Variants in NALF1 observed in about 807,000 individuals in gnomAD.
NALF1 encodes the protein family with sequence similarity 155 member A.
NALF1 carries 3 observed loss-of-function variants against 48.4 expected under a neutral mutation model. That is an observed-to-expected ratio of 0.06 (90% CI 0.03 to 0.16). The LOEUF (loss-of-function observed/expected upper bound fraction) is 0.16. Ranked by LOEUF, NALF1 falls within the 10% of genes least tolerant of loss-of-function variation. NALF1 has a pLI of 1.00. For missense variants in NALF1, 526 were observed against 571.5 expected, an observed-to-expected ratio of 0.92 and a Z score of 0.81; for synonymous variants, 262 against 245.7, an observed-to-expected ratio of 1.07 and a Z score of -0.62.
At chr13:107,277,513 G>A (rs940501347) in intron 1 of NALF1, among the ~76,000 whole-genome samples, 2 of 152,248 alleles carry the variant, frequency 1.3e-5, no homozygotes, top group Middle Eastern at 3.4e-3. Context: ...TACAGGCCAC[G>A]AAGAGCTATT....
chr13:107,412,243 C>T (rs1884005019), intron 1 of NALF1, among the ~76,000 whole-genome samples: 1 of 152,106 alleles, frequency 6.6e-6, no homozygotes, highest in African/African-American at 2.4e-5. Flanking sequence ...TTTACTTATA[C>T]CAAGCACCAG....
chr13:107,758,376 T>C (rs192628431), intron 1 of NALF1, among the ~76,000 whole-genome samples: 163 of 152,332 alleles, frequency 1.1e-3, no homozygotes, highest in African/African-American at 3.7e-3. Context: ...TTTTCATATA[T>C]TAATAAAACC....
At chr13:107,671,252 AG>A (rs1352356518) in intron 1 of NALF1, among the ~76,000 whole-genome samples, 1 of 152,216 alleles carries the variant, frequency 6.6e-6, no homozygotes, top group Non-Finnish European at 1.5e-5. Flanking sequence ...TATTGGCACC[AG>A]TAAATAAATG....
intron 1 of NALF1, among the ~76,000 whole-genome samples, chr13:107,366,619 C>T (rs539914125): frequency 4.6e-5 from 7 of 152,242 alleles, no homozygotes; most frequent in South Asian, 4.1e-4. Context: ...TCAACTCTGC[C>T]GACTGATTTT....
At chr13:107,456,255 T>C (rs1040062979) in intron 1 of NALF1, among the ~76,000 whole-genome samples, 3 of 152,196 alleles carry the variant, frequency 2.0e-5, no homozygotes, top group Non-Finnish European at 2.9e-5. Context: ...ACACAACTTA[T>C]TATTTTTTCT....
intron 1 of NALF1, among the ~76,000 whole-genome samples, chr13:107,234,435 G>A (rs1880295849): frequency 6.6e-6 from 1 of 152,144 alleles, no homozygotes; most frequent in Non-Finnish European, 1.5e-5. Context: ...TGAGGTGGCA[G>A]GATTTTGTGT....
At chr13:107,736,113 TG>T (rs1433766001) in intron 1 of NALF1, among the ~76,000 whole-genome samples, 4 of 151,988 alleles carry the variant, frequency 2.6e-5, no homozygotes, top group Non-Finnish European at 5.9e-5. Flanking sequence ...CCCAATAAAA[TG>T]TAACAAAACA....
chr13:107,447,399 A>G (rs924797077), intron 1 of NALF1, among the ~76,000 whole-genome samples: 2 of 152,078 alleles, frequency 1.3e-5, no homozygotes, highest in Non-Finnish European at 2.9e-5. Context: ...CCTTTCTTCA[A>G]CAAAACCTAT....
chr13:107,695,670 C>T (rs1881681857), intron 1 of NALF1, among the ~76,000 whole-genome samples: 1 of 152,138 alleles, frequency 6.6e-6, no homozygotes, highest in African/African-American at 2.4e-5. Context: ...ATACCATTCT[C>T]CTCGGTTCTA....
intron 1 of NALF1, among the ~76,000 whole-genome samples, chr13:107,432,129 G>A (rs947752092): frequency 2.0e-5 from 3 of 152,098 alleles, no homozygotes; most frequent in African/African-American, 4.8e-5. Flanking sequence ...TTTCAAACAT[G>A]GCAGAAGGTG....
chr13:107,797,484 C>T (rs1878464692), intron 1 of NALF1, among the ~76,000 whole-genome samples: 2 of 152,178 alleles, frequency 1.3e-5, no homozygotes, highest in African/African-American at 2.4e-5. Flanking sequence ...GCTGGGATTA[C>T]AGGCGTGAGC....
intron 1 of NALF1, among the ~76,000 whole-genome samples, chr13:107,318,047 C>T (rs958850294): frequency 2.0e-5 from 3 of 151,920 alleles, no homozygotes; most frequent in African/African-American, 7.2e-5. Flanking sequence ...TCACTGCTTT[C>T]CATAAAAGGC....
At position 107,226,479 on chromosome 13, in the gene NALF1, C is replaced by A. The variant is rs1359366; in HGVS notation, c.916-15724G>T. On this transcript the variant is annotated intron_variant, in intron 1 of 2. Coordinates refer to ENST00000375915, the MANE Select transcript of NALF1 (RefSeq NM_001080396.3). ...CTGTTTCTTTCACATGGTATAAATG[C>A]AAAAGTTCATTTGAAACAGATTCTT... is the stretch of plus-strand genomic sequence containing the variant. Among the ~76,000 whole-genome samples the A allele has an allele frequency of 1.1e-4, 16 of 152,070 alleles. No homozygotes were observed. The East Asian group carries it at 3.1e-3, about 29-fold the overall frequency.
At chr13:107,618,242 A>T (rs1879431954) in intron 1 of NALF1, among the ~76,000 whole-genome samples, 1 of 152,134 alleles carries the variant, frequency 6.6e-6, no homozygotes, top group Non-Finnish European at 1.5e-5. Flanking sequence ...TGGGCAAAAC[A>T]CTCCTAGAGA....
intron 1 of NALF1, among the ~76,000 whole-genome samples, chr13:107,344,584 T>G (rs1406970958): frequency 6.6e-6 from 1 of 152,140 alleles, no homozygotes; most frequent in Non-Finnish European, 1.5e-5. Flanking sequence ...ACAAATCACA[T>G]GCTCCTCTCT....
rs372638808 is a variant in NALF1, at chr13:107,461,232, C to T, written c.916-250477G>A. Among the ~76,000 whole-genome samples the T allele has an allele frequency of 6.6e-5, 10 of 152,066 alleles. No individual in the cohort carries two copies. The South Asian group carries it at 2.1e-3, about 32-fold the overall frequency. On this transcript the variant is annotated intron_variant, in intron 1 of 2. Transcript: ENST00000375915. Reference sequence around the variant, plus strand: ...ATATGCTTTCTTCTAAAAATGAGATCTTGTCCATTTTTTTACTATAGTCTT... The same window carrying T: ...ATATGCTTTCTTCTAAAAATGAGATTTTGTCCATTTTTTTACTATAGTCTT...
intron 1 of NALF1, among the ~76,000 whole-genome samples, chr13:107,227,377 T>A (rs1345217892): frequency 6.6e-6 from 1 of 152,216 alleles, no homozygotes; most frequent in Non-Finnish European, 1.5e-5. Context: ...CTGCCACAAA[T>A]GTTTAAGACA....
chr13:107,834,504 T>C (rs554113857), intron 1 of NALF1, among the ~76,000 whole-genome samples: 3 of 152,248 alleles, frequency 2.0e-5, no homozygotes, highest in Non-Finnish European at 4.4e-5. Flanking sequence ...ATCAGAGTAC[T>C]GGTCCAACAA....
At chr13:107,685,072 T>G (rs1881401881) in intron 1 of NALF1, among the ~76,000 whole-genome samples, 1 of 152,170 alleles carries the variant, frequency 6.6e-6, no homozygotes, top group Non-Finnish European at 1.5e-5. Flanking sequence ...CCCAGCACTT[T>G]GGGAGGCCAA....
Sources: gnomAD v4.1 joint callset for allele counts (sites outside exome capture counted in the v4.1 genomes callset) on GRCh38, gnomAD v4.1.1 for gene constraint, MANE v1.5 for transcripts, NCBI Gene and HGNC (gene_info 2026-07-23, HGNC 2026-07-21) for gene names.